Variants in RNASET2 observed in about 807,000 individuals in gnomAD.
The protein encoded by RNASET2 is ribonuclease T2, also known as ribonuclease 6.
RNASET2 carries 28 observed loss-of-function variants against 33.9 expected under a neutral mutation model. The ratio of observed to expected loss-of-function variants is 0.83; its 90% CI spans 0.61 to 1.13. The LOEUF is 1.13. RNASET2 is among the 50% of genes most tolerant of loss of function. RNASET2 has a pLI of 0.00. For missense variants in RNASET2, 330 were observed against 319.9 expected, an observed-to-expected ratio of 1.03 and a Z score of -0.24; for synonymous variants, 123 against 121.0, an observed-to-expected ratio of 1.02 and a Z score of -0.11.
chr6:166,952,661 G>A, intron 1 of RNASET2, 113 bp from the exon 2 acceptor site: 1 of 816,858 alleles, frequency 1.2e-6, no homozygotes, highest in Middle Eastern at 2.2e-4. Context: ...GCTGTGGGAG[G>A]AGGAACACTG....
chr6:166,942,964 C>T, intron 5 of RNASET2, 55 bp downstream of exon 5: 1 of 1,424,916 alleles, frequency 7.0e-7, no homozygotes, highest in Non-Finnish European at 9.9e-7. Context: ...ATTCATCACG[C>T]TCCCCACACC....
intron 4 of RNASET2, 48 bp from the exon 5 acceptor site, chr6:166,943,137 A>G (rs1404640559): frequency 7.2e-7 from 1 of 1,388,894 alleles, no homozygotes; most frequent in African/African-American, 1.4e-5. Flanking sequence ...TTAATAATAA[A>G]CTCAAAACCT....
At chr6:166,934,061 CACGAG>C in intron 7 of RNASET2, 25 bp downstream of exon 7, 2 of 1,583,514 alleles carry the variant, frequency 1.3e-6, no homozygotes, top group Non-Finnish European at 1.7e-6. Context: ...GGGAGAGACA[CACGAG>C]AAAAGAAGCA....
chr6:166,924,856 A>G lies in RNASET2; in HGVS notation c.*4732T>C, dbSNP rs755793542. ...ACTCTTGGAGTGGGCCCAAGAGGAA[A>G]AGATCCCTGCTTATGGCCATGTCCC... On this transcript the variant is annotated 3_prime_UTR_variant, in exon 9 of 9. Transcript: ENST00000508775. 3.9e-5 allele frequency among the ~76,000 whole-genome samples: 6 copies of G among 152,182 alleles called. No individual in the cohort carries two copies. The highest frequency in any genetic ancestry group is 7.3e-5 in the Non-Finnish European group (5 of 68,032).
intron 2 of RNASET2, among the ~76,000 whole-genome samples, chr6:166,950,599 G>A (rs925410610): frequency 6.6e-6 from 1 of 152,248 alleles, no homozygotes; most frequent in African/African-American, 2.4e-5. Flanking sequence ...TGAGAAGTGT[G>A]CAATGCACAC....
intron 2 of RNASET2, among the ~76,000 whole-genome samples, chr6:166,949,278 C>T (rs974757881): frequency 4.8e-5 from 7 of 145,550 alleles, no homozygotes; most frequent in African/African-American, 1.5e-4. Flanking sequence ...CGGAGGTGGG[C>T]AGATCATGAG....
rs917025258 is a variant in RNASET2 at position 166,928,417 on chromosome 6, C to T, written c.*1171G>A. 3.4e-4 allele frequency among the ~76,000 whole-genome samples: 50 copies of T among 148,968 alleles called. No homozygotes were observed. Among genetic ancestry groups the T allele is most frequent in the African/African-American group, 1.1e-3 (43 of 40,594 alleles). On this transcript the variant is annotated 3_prime_UTR_variant, in exon 9 of 9. Coordinates refer to ENST00000508775, the MANE Select transcript of RNASET2 (RefSeq NM_003730.6). ...TCTTCTTTAAATGGGCGAGTAAAGC[C>T]GAATATTCACAGGCATTGATACAGC...
At chr6:166,956,041 G>T in intron 1 of RNASET2, 56 bp downstream of exon 1, 1 of 1,504,586 alleles carries the variant, frequency 6.6e-7, no homozygotes, top group Non-Finnish European at 9.1e-7. Flanking sequence ...TCACCCAGTG[G>T]AAAGCTCTAG....
intron 2 of RNASET2, among the ~76,000 whole-genome samples, chr6:166,951,998 G>A (rs1263612990): frequency 6.6e-6 from 1 of 152,178 alleles, no homozygotes; most frequent in African/African-American, 2.4e-5. Flanking sequence ...ATCAAGAAAA[G>A]GTGATACCAG....
At chr6:166,937,313 T>G (rs1252164928) in intron 6 of RNASET2, among the ~76,000 whole-genome samples, 2 of 152,098 alleles carry the variant, frequency 1.3e-5, no homozygotes, top group African/African-American at 4.8e-5. Flanking sequence ...ATTTTTGTAT[T>G]TTTAGTAGAG....
chr6:166,932,725 C>T (rs1041616178), intron 7 of RNASET2: 1 of 152,270 alleles, frequency 6.6e-6, no homozygotes, highest in Non-Finnish European at 1.5e-5. Flanking sequence ...AAGCGCCGTT[C>T]GCACCTGGAA....
intron 6 of RNASET2, among the ~76,000 whole-genome samples, chr6:166,936,599 G>C (rs1778575517): frequency 6.6e-6 from 1 of 152,156 alleles, no homozygotes; most frequent in African/African-American, 2.4e-5. Flanking sequence ...GTTGGGGGCG[G>C]TGCCAGGCTC....
chr6:166,934,718 C>T (rs533308197), intron 6 of RNASET2: 9 of 154,892 alleles, frequency 5.8e-5, no homozygotes, highest in Non-Finnish European at 7.2e-5. Context: ...TTTGTAGCCT[C>T]GAAGCAACAG....
chr6:166,956,346 C>G lies in RNASET2; in HGVS notation c.-164G>C. ...ACCGGGTGCGCCCGGAGCCCTGGGA[C>G]GGCCTAAACCAGTATCTCGCGGGCC... On this transcript the variant is annotated 5_prime_UTR_variant, in exon 1 of 9. Transcript: ENST00000508775. The G allele has an allele frequency of 1.5e-6, 1 of 667,938 alleles. No homozygotes were observed. The highest frequency in any genetic ancestry group is 1.7e-5 in the South Asian group (1 of 57,170). The allele number at this position is 667,938 out of a possible 1,614,324, so 41.4% of individuals were successfully genotyped here.
At position 166,929,733 on chromosome 6, in the gene RNASET2, T is replaced by C; in HGVS notation, c.626A>G (p.Gln209Arg). Residue 209 changes from glutamine (Q) to arginine (R), a missense_variant, in exon 9 of 9, where the codon CAG becomes CGG. Transcript: ENST00000508775. ...CCCCGGCTCGGTGCAGTTTTGCAGC[T>C]GCTGGTCTTGCTTAGTGAGGCACAG... ...IELCLTKQDQ[Q>R]LQNCTEPGEQ... The C allele has an allele frequency of 1.2e-6, 2 of 1,614,180 alleles. No homozygotes were observed.
Position 166,930,262 on chromosome 6 carries a change from G to A in RNASET2, c.568-471C>T, listed in dbSNP as rs552060815. On this transcript the variant is annotated intron_variant, in intron 8 of 8. Transcript: ENST00000508775. ...AAGACAAACCCTGTCCTAGCATGCT[G>A]TCAAGAAACCATGCTTGCTCACACA... 1.2e-4 allele frequency among the ~76,000 whole-genome samples: 18 copies of A among 152,350 alleles called. No individual in the cohort carries two copies. In the South Asian group the frequency reaches 3.7e-3, roughly 32 times the overall value.
chr6:166,952,872 G>A (rs539871954), intron 1 of RNASET2: 48 of 365,456 alleles, frequency 1.3e-4, no homozygotes, highest in East Asian at 8.0e-4. Context: ...ACTGAGCCAC[G>A]AAGCACCTTT....
chr6:166,955,393 ACG>A lies in RNASET2; in HGVS notation c.86+702_86+703del, dbSNP rs541737588. 8.6e-3 allele frequency: 2,565 copies of A among 297,418 alleles called. 115 individuals are homozygous for A. The African/African-American group carries it at 0.12, about 14-fold the overall frequency. 18.4% of individuals were successfully genotyped at this position (297,418 alleles called of 1,614,324 possible). ...CACAAACGCACACGCACACACACAC[ACG>A]CGCACACACACACGCGCACACACAC... On this transcript the variant is annotated intron_variant, in intron 1 of 8. Transcript: ENST00000508775.
intron 8 of RNASET2, among the ~76,000 whole-genome samples, chr6:166,930,340 G>C (rs989406350): frequency 6.6e-6 from 1 of 151,072 alleles, no homozygotes; most frequent in Non-Finnish European, 1.5e-5. Flanking sequence ...AGATGTGCAG[G>C]CCTGTGCACA....
Sources: allele counts gnomAD v4.1 joint callset (sites outside exome capture counted in the v4.1 genomes callset), GRCh38; gene constraint gnomAD v4.1.1; transcripts MANE v1.5; gene names NCBI Gene and HGNC (gene_info 2026-07-23, HGNC 2026-07-21).